Variants in PEX5L observed in about 807,000 individuals in gnomAD.
PEX5L encodes the protein PEX5-related protein.
PEX5L carries 30 observed loss-of-function variants against 84.0 expected under a neutral mutation model. The observed-to-expected ratio is 0.36, with a 90% CI of 0.27 to 0.48. The LOEUF (loss-of-function observed/expected upper bound fraction) is 0.48. Among genes scored for constraint, PEX5L ranks in the 20% least tolerant of loss-of-function variants. PEX5L has a pLI of 0.99. For synonymous variants in PEX5L, 270 were observed against 283.1 expected (o/e 0.95, Z 0.46); for missense variants, 533 against 754.6 (o/e 0.71, Z 3.44).
At chr3:179,811,753 TTA>T (rs745821393) in intron 11 of PEX5L, 46 bp downstream of exon 11, 51 of 1,301,608 alleles carry the variant, frequency 3.9e-5, no homozygotes, top group Non-Finnish European at 5.4e-5. Context: ...AGGAAGTTCA[TTA>T]ACAAGTATCC....
At chr3:179,905,329 G>A (rs1399479040) in intron 2 of PEX5L, among the ~76,000 whole-genome samples, 1 of 150,896 alleles carries the variant, frequency 6.6e-6, no homozygotes, top group Non-Finnish European at 1.5e-5. Context: ...CTGGAGTGCA[G>A]TGGCGCGATC....
At chr3:179,975,725 T>C (rs1785701525) in intron 1 of PEX5L, among the ~76,000 whole-genome samples, 1 of 152,240 alleles carries the variant, frequency 6.6e-6, no homozygotes, top group African/African-American at 2.4e-5. Context: ...CTTTTTCACC[T>C]ATCTTCAGCC....
chr3:179,912,779 AT>A (rs925213939), intron 2 of PEX5L, among the ~76,000 whole-genome samples: 2 of 152,212 alleles, frequency 1.3e-5, no homozygotes, highest in Admixed American at 6.5e-5. Context: ...ATTCCCAATT[AT>A]TTTTTCCAAA....
intron 2 of PEX5L, among the ~76,000 whole-genome samples, chr3:179,923,965 G>A (rs952469526): frequency 3.3e-5 from 5 of 152,150 alleles, no homozygotes; most frequent in East Asian, 1.9e-4. Flanking sequence ...TCATGTTTAC[G>A]TCGGCAGTGA....
rs1431315600 is a variant in PEX5L, at chr3:179,797,603, A to ATATATATATATAT, written c.*4224_*4225insATATATATATATA. The ATATATATATATAT allele has an allele frequency of 3.6e-5, 4 of 109,876 alleles. No homozygotes were observed. Among genetic ancestry groups the ATATATATATATAT allele is most frequent in the African/African-American group, 1.4e-4 (4 of 28,442 alleles). The allele number at this position is 109,876 out of a possible 1,614,324, so 6.8% of individuals were successfully genotyped here. ...TGAACACTCTTTAAAAAAAAAAAAA[A>ATATATATATATAT]AAATATATATATATATATATATATA... is the stretch of plus-strand genomic sequence containing the variant. On this transcript the variant is annotated 3_prime_UTR_variant, in exon 15 of 15. Coordinates refer to ENST00000467460, the MANE Select transcript of PEX5L (RefSeq NM_016559.3).
chr3:179,977,099 G>T (rs920263222), intron 1 of PEX5L, among the ~76,000 whole-genome samples: 7 of 152,180 alleles, frequency 4.6e-5, no homozygotes, highest in Admixed American at 4.6e-4. Context: ...AGATGAGGTT[G>T]TGCATGATCT....
chr3:179,897,244 C>G (rs772660098), intron 3 of PEX5L, among the ~76,000 whole-genome samples: 1 of 151,766 alleles, frequency 6.6e-6, no homozygotes, highest in Non-Finnish European at 1.5e-5. Context: ...TTCATATAAT[C>G]GGAACTGAAT....
chr3:179,805,753 C>T (rs1453845989), intron 14 of PEX5L, among the ~76,000 whole-genome samples: 1 of 151,954 alleles, frequency 6.6e-6, no homozygotes, highest in African/African-American at 2.4e-5. Context: ...TGACTTGTTC[C>T]AGTATGGGAG....
intron 2 of PEX5L, among the ~76,000 whole-genome samples, chr3:179,907,097 A>C (rs1297865256): frequency 6.6e-6 from 1 of 152,192 alleles, no homozygotes; most frequent in Non-Finnish European, 1.5e-5. Flanking sequence ...GGGTCAAGAC[A>C]ATGAAAATGT....
intron 4 of PEX5L, among the ~76,000 whole-genome samples, chr3:179,882,702 T>C (rs2879636): frequency 0.92 from 139,384 of 152,270 alleles, 63,857 homozygotes; most frequent in South Asian, 0.97. Flanking sequence ...GTATGGTAGG[T>C]GGTGTCTGCT....
At chr3:179,928,781 T>C (rs2109562443) in intron 2 of PEX5L, among the ~76,000 whole-genome samples, 1 of 152,340 alleles carries the variant, frequency 6.6e-6, no homozygotes, top group Middle Eastern at 3.4e-3. Flanking sequence ...TCATTCCATT[T>C]TATCACATAA....
intron 7 of PEX5L, among the ~76,000 whole-genome samples, chr3:179,860,883 C>A (rs1049501935): frequency 6.6e-6 from 1 of 152,166 alleles, no homozygotes; most frequent in South Asian, 2.1e-4. Flanking sequence ...ATGCTCATAA[C>A]CACTGTTCTA....
At position 179,971,815 on chromosome 3, in the gene PEX5L, A is replaced by G. The variant is rs1437355279; in HGVS notation, c.22-150T>C. The G allele has an allele frequency of 3.9e-6, 3 of 769,522 alleles. No homozygotes were observed. In the African/African-American group the frequency reaches 5.4e-5, roughly 14 times the overall value. The allele number at this position is 769,522 out of a possible 1,614,324, so 47.7% of individuals were successfully genotyped here. A position where few individuals can be genotyped will look rare whatever the true frequency, so the allele number is the denominator to read the frequency against. On this transcript the variant is annotated intron_variant, in intron 1 of 14. Transcript: ENST00000467460. ...ATAAATTGCTCATGTACAACAGCAA[A>G]TGTTTTTATTGTTAAACTGCTGTCT...
At chr3:179,828,732 T>G (rs551556882) in intron 8 of PEX5L, among the ~76,000 whole-genome samples, 1 of 152,198 alleles carries the variant, frequency 6.6e-6, no homozygotes, top group South Asian at 2.1e-4. Context: ...CCTTAGTGTA[T>G]GAGCATCTAA....
chr3:179,863,504 T>C (rs1039286935), intron 7 of PEX5L, among the ~76,000 whole-genome samples: 1 of 152,100 alleles, frequency 6.6e-6, no homozygotes, highest in Admixed American at 6.6e-5. Context: ...AACAACTTGA[T>C]TTAAAAATGG....
intron 2 of PEX5L, among the ~76,000 whole-genome samples, chr3:179,959,407 G>C (rs147142282): frequency 6.6e-6 from 1 of 152,262 alleles, no homozygotes; most frequent in African/African-American, 2.4e-5. Context: ...ACTGTCTGTT[G>C]ACTGTAAGTC....
chr3:179,884,790 C>T (rs1755235043), intron 4 of PEX5L, among the ~76,000 whole-genome samples: 1 of 151,922 alleles, frequency 6.6e-6, no homozygotes, highest in Non-Finnish European at 1.5e-5. Flanking sequence ...TTGGATAGTC[C>T]AAGGAATGAT....
intron 3 of PEX5L, among the ~76,000 whole-genome samples, chr3:179,896,940 T>C (rs758928379): frequency 3.4e-4 from 52 of 152,144 alleles, no homozygotes; most frequent in Non-Finnish European, 1.5e-4. Flanking sequence ...GATTACCATG[T>C]GTTATTAGGA....
intron 4 of PEX5L, among the ~76,000 whole-genome samples, chr3:179,882,504 T>G (rs1754463066): frequency 6.6e-6 from 1 of 152,050 alleles, no homozygotes; most frequent in Non-Finnish European, 1.5e-5. Flanking sequence ...ATGAAGGAGG[T>G]GGCTTGGAGG....
Sources: allele counts gnomAD v4.1 joint callset (sites outside exome capture counted in the v4.1 genomes callset), GRCh38; gene constraint gnomAD v4.1.1; transcripts MANE v1.5; gene names NCBI Gene and HGNC (gene_info 2026-07-23, HGNC 2026-07-21).